GALNT13: variants seen among roughly 807,000 people sequenced by gnomAD.
GALNT13 encodes the protein UDP-GalNAc:polypeptide N-acetylgalactosaminyltransferase 13.
In GALNT13, 28 loss-of-function variants were observed where a neutral mutation model predicts 64.2. The observed-to-expected ratio is 0.44, with a 90% CI of 0.32 to 0.60. The LOEUF (loss-of-function observed/expected upper bound fraction) is 0.60. GALNT13 is among the 20% of genes least tolerant of loss of function. The pLI is 0.05. For missense variants in GALNT13, 577 were observed against 669.8 expected (o/e 0.86, Z 1.53); for synonymous variants, 214 against 224.6 (o/e 0.95, Z 0.42).
chr2:153,700,654 C>T, the GALNT13 span, among the ~76,000 whole-genome samples: 1 of 152,074 alleles, frequency 6.6e-6, no homozygotes, highest in East Asian at 1.9e-4. Flanking sequence ...TCTCAGGATA[C>T]AAAATCAATG....
chr2:153,491,588 C>CATATTATATT, the GALNT13 span, among the ~76,000 whole-genome samples: 1 of 141,618 alleles, frequency 7.1e-6, no homozygotes, highest in African/African-American at 2.7e-5. Context: ...ACACCTAAAC[C>CATATTATATT]ATATTATATT....
the GALNT13 span, among the ~76,000 whole-genome samples, chr2:153,491,347 A>G: frequency 1.3e-5 from 2 of 152,088 alleles, no homozygotes; most frequent in Admixed American, 6.5e-5. Context: ...ATTTGAGCTA[A>G]TAACGTACCA....
intron 4 of GALNT13, among the ~76,000 whole-genome samples, chr2:154,167,447 C>T (rs553037062): frequency 2.0e-4 from 31 of 152,130 alleles, no homozygotes; most frequent in African/African-American, 4.1e-4. Context: ...TTCAGATATT[C>T]GAATATTTGA....
the GALNT13 span, among the ~76,000 whole-genome samples, chr2:153,512,426 A>G: frequency 1.3e-5 from 2 of 152,224 alleles, no homozygotes; most frequent in Non-Finnish European, 2.9e-5. Flanking sequence ...TTTTTACACT[A>G]GATGAGAGTG....
chr2:154,087,161 TG>T (rs1701572338), intron 3 of GALNT13, among the ~76,000 whole-genome samples: 1 of 152,092 alleles, frequency 6.6e-6, no homozygotes, highest in Admixed American at 6.6e-5. Context: ...AACATATTTT[TG>T]TTCTTCTGAA....
chr2:153,893,614 C>T (rs13427594), intron 1 of GALNT13, among the ~76,000 whole-genome samples: 31,916 of 151,692 alleles, frequency 0.21, 4,106 homozygotes, highest in Middle Eastern at 0.34. Context: ...TACAAAACAA[C>T]TTTATTCTCC....
At chr2:153,983,809 C>A (rs768960706) in intron 3 of GALNT13, among the ~76,000 whole-genome samples, 5 of 151,866 alleles carry the variant, frequency 3.3e-5, no homozygotes, top group Non-Finnish European at 7.4e-5. Flanking sequence ...TCATTCTGTG[C>A]CCTTTGTATT....
the GALNT13 span, among the ~76,000 whole-genome samples, chr2:153,579,729 T>C: frequency 6.6e-6 from 1 of 152,154 alleles, no homozygotes; most frequent in African/African-American, 2.4e-5. Context: ...CCGCCTGAGC[T>C]CCACCTCTCA....
intron 3 of GALNT13, among the ~76,000 whole-genome samples, chr2:154,007,119 A>G (rs925766279): frequency 6.6e-6 from 1 of 152,216 alleles, no homozygotes; most frequent in African/African-American, 2.4e-5. Flanking sequence ...ATTGCTTGTG[A>G]GAGAGACGCT....
At chr2:153,995,089 A>T (rs984125782) in intron 3 of GALNT13, among the ~76,000 whole-genome samples, 7 of 130,480 alleles carry the variant, frequency 5.4e-5, no homozygotes, top group Admixed American at 3.8e-4. Flanking sequence ...AGATGATTTC[A>T]TCTAAGAAAT....
the GALNT13 span, among the ~76,000 whole-genome samples, chr2:153,403,383 T>C: frequency 6.6e-6 from 1 of 152,080 alleles, no homozygotes; most frequent in Non-Finnish European, 1.5e-5. Flanking sequence ...GTCTTTTTGT[T>C]TGTCTGTGCC....
rs1398226671 is a variant in GALNT13 at position 154,148,976 on chromosome 2, G to T, written c.311+8471G>T. Among the ~76,000 whole-genome samples, 2 of 152,102 alleles carry T rather than the reference G, an allele frequency of 1.3e-5. 1 individual carries two copies. Among genetic ancestry groups the T allele is most frequent in the East Asian group, 3.9e-4 (2 of 5,182 alleles). ...TTTGGCTTTTGTTGCCATTGCTTTTGGTGTTTTAGACATGAAGTCCCTGCC... is the reference window on the plus strand; with the variant it reads ...TTTGGCTTTTGTTGCCATTGCTTTTTGTGTTTTAGACATGAAGTCCCTGCC... On this transcript the variant is annotated intron_variant, in intron 4 of 12. Coordinates refer to ENST00000392825, the MANE Select transcript of GALNT13 (RefSeq NM_052917.4).
chr2:154,177,806 T>C (rs993571512), intron 4 of GALNT13, among the ~76,000 whole-genome samples: 1 of 152,128 alleles, frequency 6.6e-6, no homozygotes, highest in African/African-American at 2.4e-5. Flanking sequence ...AGACCAGACC[T>C]GAAAAGAGAC....
At chr2:154,353,787 G>GTA (rs944664246) in intron 9 of GALNT13, among the ~76,000 whole-genome samples, 51 of 152,208 alleles carry the variant, frequency 3.4e-4, no homozygotes, top group Middle Eastern at 3.4e-3. Context: ...TGTAGGATGG[G>GTA]TATATATATG....
At chr2:153,737,362 T>C in the GALNT13 span, among the ~76,000 whole-genome samples, 3 of 152,198 alleles carry the variant, frequency 2.0e-5, no homozygotes, top group African/African-American at 7.2e-5. Flanking sequence ...CAGCCTGTCT[T>C]GTATATATTT....
the GALNT13 span, among the ~76,000 whole-genome samples, chr2:153,540,197 A>G: frequency 6.6e-6 from 1 of 152,114 alleles, no homozygotes; most frequent in Non-Finnish European, 1.5e-5. Context: ...CATTCTGGCC[A>G]CTTCAGCCAT....
At chr2:154,298,500 A>T (rs1574042828) in intron 8 of GALNT13, among the ~76,000 whole-genome samples, 1 of 102,320 alleles carries the variant, frequency 9.8e-6, no homozygotes, top group African/African-American at 3.4e-5. Flanking sequence ...AATTATATAT[A>T]CATATATAAA....
the GALNT13 span, chr2:153,421,705 T>C: frequency 3.4e-6 from 1 of 290,154 alleles, no homozygotes; most frequent in Middle Eastern, 7.1e-4. Context: ...CTGCTCAGGG[T>C]GGAAGAGCTG....
chr2:153,722,165 G>A, the GALNT13 span, among the ~76,000 whole-genome samples: 9 of 144,712 alleles, frequency 6.2e-5, no homozygotes, highest in Admixed American at 2.8e-4. Flanking sequence ...ACTCAAAGCC[G>A]CTCAACTACA....
Sources: gnomAD v4.1 joint callset for allele counts (sites outside exome capture counted in the v4.1 genomes callset) on GRCh38, gnomAD v4.1.1 for gene constraint, MANE v1.5 for transcripts, NCBI Gene and HGNC (gene_info 2026-07-23, HGNC 2026-07-21) for gene names.